APBB1IP: variants seen among roughly 807,000 people sequenced by gnomAD.
APBB1IP encodes the protein amyloid beta precursor protein binding family B member 1 interacting protein, also known as amyloid beta A4 precursor protein-binding family B member 1-interacting protein.
In APBB1IP, 27 loss-of-function variants were observed where a neutral mutation model predicts 64.9. The ratio of observed to expected loss-of-function variants is 0.42; its 90% CI spans 0.31 to 0.57. The LOEUF is 0.57. Among genes scored for constraint, APBB1IP ranks in the 20% least tolerant of loss-of-function variants. The pLI is 0.20. For synonymous variants in APBB1IP, 392 were observed against 331.0 expected, an observed-to-expected ratio of 1.18 and a Z score of -2.00; for missense variants, 812 against 845.5, an observed-to-expected ratio of 0.96 and a Z score of 0.49.
intron 2 of APBB1IP, among the ~76,000 whole-genome samples, chr10:26,445,172 G>C: frequency 6.8e-6 from 1 of 146,558 alleles, no homozygotes. Context: ...AAGAAAGAAA[G>C]AAAGAAAGAA....
chr10:26,503,586 G>T (rs570502095), intron 6 of APBB1IP, among the ~76,000 whole-genome samples: 5 of 152,270 alleles, frequency 3.3e-5, no homozygotes, highest in African/African-American at 1.2e-4. Context: ...AGTGAGCTGA[G>T]ATCGAGCCAC....
chr10:26,561,064 CTTT>C (rs764573338), intron 13 of APBB1IP, among the ~76,000 whole-genome samples: 724 of 69,022 alleles, frequency 0.01, 1 homozygote, highest in South Asian at 0.028. Context: ...TTCTTTCTTT[CTTT>C]TTTTTTTTTT....
At chr10:26,461,537 T>A (rs554266216) in intron 2 of APBB1IP, among the ~76,000 whole-genome samples, 1 of 152,212 alleles carries the variant, frequency 6.6e-6, no homozygotes, top group East Asian at 1.9e-4. Flanking sequence ...ATAATCTTTT[T>A]TTTTTAGGAA....
intron 8 of APBB1IP, among the ~76,000 whole-genome samples, chr10:26,521,853 C>A (rs574631308): frequency 6.6e-6 from 1 of 152,132 alleles, no homozygotes; most frequent in Non-Finnish European, 1.5e-5. Flanking sequence ...CAGGTTCAAG[C>A]GATTCTCCTG....
At chr10:26,454,877 C>T (rs140863455) in intron 2 of APBB1IP, among the ~76,000 whole-genome samples, 33 of 152,320 alleles carry the variant, frequency 2.2e-4, no homozygotes, top group Middle Eastern at 6.8e-3. Flanking sequence ...TACCACCTCA[C>T]ATCCATTAGC....
rs373006240 is a variant in APBB1IP at position 26,508,413 on chromosome 10, A to C, written c.532-3334A>C. 2.0e-4 allele frequency among the ~76,000 whole-genome samples: 30 copies of C among 151,988 alleles called. No homozygotes were observed. In the South Asian group the frequency reaches 2.3e-3, roughly 12 times the overall value. On this transcript the variant is annotated intron_variant, in intron 6 of 14. Transcript: ENST00000376236. Reference sequence around the variant, plus strand: ...ATAGAAGCAAAAAAAAACAAAAAAAACCCCCCACAAAACTGTAAATGATTT... The same window carrying C: ...ATAGAAGCAAAAAAAAACAAAAAAACCCCCCCACAAAACTGTAAATGATTT...
chr10:26,488,530 G>C (rs781662819), intron 2 of APBB1IP, among the ~76,000 whole-genome samples: 32 of 152,262 alleles, frequency 2.1e-4, no homozygotes, highest in Middle Eastern at 3.4e-3. Context: ...ACCATGCCCA[G>C]CCTTGTAGGA....
chr10:26,445,132 G>GAAAGAAAGAAAGAAAGA (rs1408164202), intron 2 of APBB1IP, among the ~76,000 whole-genome samples: 1 of 1,650 alleles, frequency 6.1e-4, no homozygotes, highest in African/African-American at 2.7e-3. Context: ...AGAAAGAAAA[G>GAAAGAAAGAAAGAAAGA]AAAGAAAGAA....
intron 6 of APBB1IP, among the ~76,000 whole-genome samples, chr10:26,505,953 C>T (rs902217068): frequency 6.6e-6 from 1 of 152,102 alleles, no homozygotes; most frequent in African/African-American, 2.4e-5. Context: ...CGACCAGTCA[C>T]CTCCCTGGCC....
At chr10:26,477,624 C>T (rs1204372961) in intron 2 of APBB1IP, among the ~76,000 whole-genome samples, 1 of 152,206 alleles carries the variant, frequency 6.6e-6, no homozygotes, top group African/African-American at 2.4e-5. Flanking sequence ...CTTTGCAATA[C>T]TTTTGAAGAT....
At chr10:26,552,389 G>A (rs780379718) in intron 11 of APBB1IP, among the ~76,000 whole-genome samples, 14 of 152,052 alleles carry the variant, frequency 9.2e-5, no homozygotes, top group Non-Finnish European at 1.9e-4. Context: ...CTTGACCTTA[G>A]GAGTTCGAGA....
chr10:26,459,932 C>T (rs1835570476), intron 2 of APBB1IP, among the ~76,000 whole-genome samples: 1 of 151,862 alleles, frequency 6.6e-6, no homozygotes, highest in Admixed American at 6.6e-5. Flanking sequence ...AATTTATTAC[C>T]ATTGCTAAGG....
chr10:26,539,661 C>T (rs563739011), intron 10 of APBB1IP, among the ~76,000 whole-genome samples: 1 of 151,892 alleles, frequency 6.6e-6, no homozygotes, highest in African/African-American at 2.4e-5. Context: ...CCAAAGATAA[C>T]AAACAAGAAG....
intron 2 of APBB1IP, among the ~76,000 whole-genome samples, chr10:26,443,963 G>A (rs1469893524): frequency 6.6e-6 from 1 of 152,158 alleles, no homozygotes; most frequent in East Asian, 1.9e-4. Flanking sequence ...GTTTATTCTG[G>A]TGGACAGATA....
chr10:26,546,964 C>T (rs1222839152), intron 11 of APBB1IP, among the ~76,000 whole-genome samples: 3 of 152,154 alleles, frequency 2.0e-5, no homozygotes, highest in Admixed American at 2.0e-4. Flanking sequence ...TTTTTTGAGG[C>T]ACCTCCATAC....
chr10:26,450,948 G>A (rs192481433), intron 2 of APBB1IP, among the ~76,000 whole-genome samples: 7 of 152,058 alleles, frequency 4.6e-5, no homozygotes, highest in African/African-American at 9.6e-5. Flanking sequence ...CACCCGCCTC[G>A]TCCTCCCAAA....
chr10:26,500,210 CAAA>C (rs199918930), intron 4 of APBB1IP, among the ~76,000 whole-genome samples: 9 of 86,382 alleles, frequency 1.0e-4, no homozygotes, highest in Admixed American at 4.0e-4. Flanking sequence ...GACTCTGTCT[CAAA>C]AAAAAAAAAA....
At chr10:26,440,509 G>T (rs574419748) in intron 2 of APBB1IP, among the ~76,000 whole-genome samples, 1 of 152,282 alleles carries the variant, frequency 6.6e-6, no homozygotes, top group South Asian at 2.1e-4. Flanking sequence ...TGGCCTATAT[G>T]TAAAAAGGCA....
intron 4 of APBB1IP, among the ~76,000 whole-genome samples, chr10:26,498,263 C>CT: frequency 6.6e-6 from 1 of 152,030 alleles, no homozygotes; most frequent in East Asian, 1.9e-4. Context: ...AATCCCAGCA[C>CT]TTTGGGAGGC....
Sources: gnomAD v4.1 joint callset for allele counts (sites outside exome capture counted in the v4.1 genomes callset) on GRCh38, gnomAD v4.1.1 for gene constraint, MANE v1.5 for transcripts, NCBI Gene and HGNC (gene_info 2026-07-23, HGNC 2026-07-21) for gene names.